The following VPS13B variants were observed in gnomAD, a reference collection of about 807,000 sequenced individuals.
VPS13B encodes the protein vacuolar protein sorting 13 homolog B.
In VPS13B, 285 loss-of-function variants were observed where a neutral mutation model predicts 426.4. The observed-to-expected ratio is 0.67, with a 90% CI of 0.61 to 0.74. The LOEUF (loss-of-function observed/expected upper bound fraction) is 0.74. Among genes scored for constraint, VPS13B ranks in the 30% least tolerant of loss-of-function variants. VPS13B has a pLI of 0.00. For missense variants in VPS13B, 4,537 were observed against 4,782.6 expected, an observed-to-expected ratio of 0.95 and a Z score of 1.51; for synonymous variants, 1,676 against 1,676.4, an observed-to-expected ratio of 1.00 and a Z score of 0.01.
chr8:99,040,201 T>C (rs778646642), intron 3 of VPS13B, among the ~76,000 whole-genome samples: 1 of 152,138 alleles, frequency 6.6e-6, no homozygotes, highest in Non-Finnish European at 1.5e-5. Context: ...TACAACTAAT[T>C]ATAGAGGCTG....
intron 36 of VPS13B, among the ~76,000 whole-genome samples, chr8:99,708,650 C>T (rs2130252435): frequency 6.6e-6 from 1 of 152,214 alleles, no homozygotes; most frequent in East Asian, 1.9e-4. Context: ...CCTGGCCACC[C>T]ATTTGGTCTA....
intron 16 of VPS13B, among the ~76,000 whole-genome samples, chr8:99,173,336 C>G (rs973169463): frequency 6.6e-6 from 1 of 152,022 alleles, no homozygotes; most frequent in African/African-American, 2.4e-5. Context: ...ATCATTTGCC[C>G]CAGCTCAGAG....
chr8:99,683,743 G>A (rs1321695000), intron 35 of VPS13B, among the ~76,000 whole-genome samples: 1 of 152,074 alleles, frequency 6.6e-6, no homozygotes, highest in African/African-American at 2.4e-5. Context: ...TATTAATTCT[G>A]GGAGCTTTTC....
rs760207080 is a variant in VPS13B at position 99,641,967 on chromosome 8, C to T, written c.5377C>T (p.Arg1793Cys). The T allele has an allele frequency of 1.4e-5, 22 of 1,614,000 alleles. No homozygotes were observed. Among genetic ancestry groups the T allele is most frequent in the Admixed American group, 1.0e-4 (6 of 59,966 alleles). Residue 1793 changes from arginine (R) to cysteine (C), a missense_variant, in exon 34 of 62, where the codon CGC becomes TGC. Arg to Cys is a radical substitution (Grantham distance 180, BLOSUM62 -3). Coordinates refer to ENST00000357162, the MANE Select transcript of VPS13B (RefSeq NM_152564.5). ...IEQHSGASQH[R>C]IARPSRQSSI... ...GCAGCACAGTGGTGCCAGTCAGCAT[C>T]GCATTGCCCGTCCCTCACGCCAGTC... is the stretch of plus-strand genomic sequence containing the variant.
At chr8:99,405,166 T>C (rs556354362) in intron 21 of VPS13B, among the ~76,000 whole-genome samples, 23 of 152,330 alleles carry the variant, frequency 1.5e-4, no homozygotes, top group South Asian at 8.3e-4. Context: ...TGCTCTGTTA[T>C]ACCAGTCTTA....
chr8:99,026,895 G>A (rs1283162806), intron 2 of VPS13B, among the ~76,000 whole-genome samples: 1 of 151,508 alleles, frequency 6.6e-6, no homozygotes, highest in East Asian at 1.9e-4. Flanking sequence ...CCCCCGCTCC[G>A]AGACGGAGTC....
intron 54 of VPS13B, among the ~76,000 whole-genome samples, chr8:99,842,148 A>G (rs929392638): frequency 7.2e-5 from 11 of 152,222 alleles, no homozygotes; most frequent in African/African-American, 2.4e-4. Flanking sequence ...TACATTTTAA[A>G]TTTATTCCTT....
intron 2 of VPS13B, among the ~76,000 whole-genome samples, chr8:99,030,486 G>GTGTT (rs1286870318): frequency 6.6e-6 from 1 of 151,722 alleles, no homozygotes; most frequent in Non-Finnish European, 1.5e-5. Context: ...GTGTGTGTGT[G>GTGTT]TGTGTACCAT....
chr8:99,102,384 C>G (rs1317570715), intron 4 of VPS13B, among the ~76,000 whole-genome samples: 1 of 152,082 alleles, frequency 6.6e-6, no homozygotes, highest in East Asian at 1.9e-4. Flanking sequence ...TTCCCCTCTA[C>G]TCTATTTTAA....
At chr8:99,777,068 A>T in intron 41 of VPS13B, 112 bp downstream of exon 41, 2 of 1,391,320 alleles carry the variant, frequency 1.4e-6, no homozygotes, top group Non-Finnish European at 2.0e-6. Flanking sequence ...CAGGAAGTAT[A>T]AAGCGAGCAG....
chr8:99,176,930 CAGG>C (rs572870639), intron 16 of VPS13B, among the ~76,000 whole-genome samples: 11 of 152,294 alleles, frequency 7.2e-5, no homozygotes, highest in East Asian at 1.9e-4. Context: ...TTCAAGAGAA[CAGG>C]AGAAGTACTT....
chr8:99,030,213 T>G (rs1391661052), intron 2 of VPS13B, among the ~76,000 whole-genome samples: 15 of 62,272 alleles, frequency 2.4e-4, no homozygotes, highest in Admixed American at 5.9e-4. Flanking sequence ...TAATTATCTG[T>G]TTTTTTTGTT....
chr8:99,608,868 T>C (rs1182922417), intron 33 of VPS13B, among the ~76,000 whole-genome samples: 1 of 152,158 alleles, frequency 6.6e-6, no homozygotes, highest in African/African-American at 2.4e-5. Flanking sequence ...TGTATAGATA[T>C]ATACCATAGG....
At chr8:99,343,572 T>C (rs1811368075) in intron 19 of VPS13B, among the ~76,000 whole-genome samples, 1 of 152,212 alleles carries the variant, frequency 6.6e-6, no homozygotes, top group Non-Finnish European at 1.5e-5. Context: ...ATTTTTGTGG[T>C]TATTATTGCC....
intron 3 of VPS13B, among the ~76,000 whole-genome samples, chr8:99,044,414 T>TTGTGTG (rs111537008): frequency 1.0e-4 from 15 of 148,478 alleles, no homozygotes; most frequent in Admixed American, 2.7e-4. Context: ...AAGTCAATGT[T>TTGTGTG]TGTGTGTGTG....
At chr8:99,253,231 T>C (rs1413463474) in intron 17 of VPS13B, among the ~76,000 whole-genome samples, 1 of 152,204 alleles carries the variant, frequency 6.6e-6, no homozygotes, top group Non-Finnish European at 1.5e-5. Context: ...TGTTTCTCCA[T>C]TCATTAAGAG....
chr8:99,113,389 C>T (rs1439022766), intron 6 of VPS13B, among the ~76,000 whole-genome samples: 7 of 152,126 alleles, frequency 4.6e-5, no homozygotes, highest in African/African-American at 1.7e-4. Flanking sequence ...TGGCATGAGC[C>T]ACCATGCCTG....
chr8:99,030,205 A>ATT (rs1842445423), intron 2 of VPS13B, among the ~76,000 whole-genome samples: 1 of 66,922 alleles, frequency 1.5e-5, no homozygotes, highest in Non-Finnish European at 3.0e-5. Flanking sequence ...ATTCTTTTTA[A>ATT]TTATCTGTTT....
chr8:99,325,811 A>G (rs1201512667), intron 19 of VPS13B, among the ~76,000 whole-genome samples: 1 of 152,166 alleles, frequency 6.6e-6, no homozygotes, highest in Non-Finnish European at 1.5e-5. Context: ...ATCAACCCTT[A>G]TAATACTTTT....
Sources: gnomAD v4.1 joint callset for allele counts (sites outside exome capture counted in the v4.1 genomes callset) on GRCh38, gnomAD v4.1.1 for gene constraint, MANE v1.5 for transcripts, NCBI Gene and HGNC (gene_info 2026-07-23, HGNC 2026-07-21) for gene names.